DGKG: variants seen among roughly 807,000 people sequenced by gnomAD.
DGKG encodes diacylglycerol kinase gamma.
A neutral mutation model predicts 105.3 loss-of-function variants in DGKG; 78 were observed. That is an observed-to-expected ratio of 0.74 (90% CI 0.62 to 0.89). DGKG has a LOEUF of 0.89. Ranked by LOEUF, DGKG falls within the 40% of genes least tolerant of loss-of-function variation. DGKG has a pLI of 0.00. For synonymous variants in DGKG, 346 were observed against 367.1 expected (o/e 0.94, Z 0.66); for missense variants, 958 against 1,020.1 (o/e 0.94, Z 0.83).
At position 186,280,655 on chromosome 3, in the gene DGKG, C is replaced by T. The variant is rs1397051593; in HGVS notation, c.669+15G>A. 6.2e-7 allele frequency: 1 copy of T among 1,610,092 alleles called. No homozygotes were observed. Among genetic ancestry groups the T allele is most frequent in the Non-Finnish European group, 8.5e-7 (1 of 1,176,524 alleles). On this transcript the variant is annotated intron_variant, in intron 8 of 24. Coordinates refer to ENST00000265022, the MANE Select transcript of DGKG (RefSeq NM_001346.3). Reference sequence around the variant, plus strand: ...AAGCTCACTCCAAAGCCACCCCATCCTTATAGAAACTCACAGGCCTCAGCT... The same window carrying T: ...AAGCTCACTCCAAAGCCACCCCATCTTTATAGAAACTCACAGGCCTCAGCT...
chr3:186,307,994 T>C (rs561902125), intron 2 of DGKG, among the ~76,000 whole-genome samples: 1 of 152,274 alleles, frequency 6.6e-6, no homozygotes, highest in East Asian at 1.9e-4. Flanking sequence ...GCATGGTTGA[T>C]TTTATGTTCC....
intron 22 of DGKG, among the ~76,000 whole-genome samples, chr3:186,181,189 C>G (rs1396868645): frequency 1.3e-5 from 2 of 152,188 alleles, no homozygotes; most frequent in Admixed American, 6.5e-5. Flanking sequence ...CTGGCTCCCC[C>G]ACACCCAGTG....
intron 14 of DGKG, among the ~76,000 whole-genome samples, chr3:186,262,228 C>T (rs914208917): frequency 1.3e-5 from 2 of 152,140 alleles, no homozygotes; most frequent in African/African-American, 4.8e-5. Context: ...TCCTCCTGAA[C>T]CCTGGTCCCA....
chr3:186,242,256 T>A (rs1408628156), intron 20 of DGKG, among the ~76,000 whole-genome samples: 1 of 152,134 alleles, frequency 6.6e-6, no homozygotes, highest in East Asian at 1.9e-4. Context: ...AGGCCCTTCA[T>A]ACCCACCTCC....
chr3:186,342,336 G>A (rs546284265), intron 1 of DGKG, among the ~76,000 whole-genome samples: 1 of 152,128 alleles, frequency 6.6e-6, no homozygotes, highest in Non-Finnish European at 1.5e-5. Context: ...TCTACAGGCC[G>A]CTTGGCCACA....
intron 22 of DGKG, among the ~76,000 whole-genome samples, chr3:186,180,546 T>C (rs573770073): frequency 6.6e-6 from 1 of 152,178 alleles, no homozygotes; most frequent in East Asian, 1.9e-4. Context: ...ATGCAAACTT[T>C]TTAGGAACAT....
intron 2 of DGKG, among the ~76,000 whole-genome samples, chr3:186,318,398 C>T (rs1724916733): frequency 6.6e-6 from 1 of 152,216 alleles, no homozygotes; most frequent in South Asian, 2.1e-4. Flanking sequence ...CCCCTTCCAT[C>T]TGCTGCTCAC....
chr3:186,326,807 T>C (rs1199232367), intron 1 of DGKG, among the ~76,000 whole-genome samples: 2 of 152,206 alleles, frequency 1.3e-5, no homozygotes, highest in Non-Finnish European at 2.9e-5. Context: ...TTTTAGGATG[T>C]TTTCTTCATA....
Position 186,261,782 on chromosome 3 carries a change from G to C in DGKG, c.1270-4C>G. Reference sequence around the variant, plus strand: ...CCGGGGTGGGGATGATCTTATACTTGAAAGGTAAAAGAAAAAGAAATTAGC... The same window carrying C: ...CCGGGGTGGGGATGATCTTATACTTCAAAGGTAAAAGAAAAAGAAATTAGC... On this transcript the variant is annotated splice_region_variant and splice_polypyrimidine_tract_variant and intron_variant, in intron 14 of 24. Transcript: ENST00000265022. 6.3e-7 allele frequency: 1 copy of C among 1,584,098 alleles called. No homozygotes were observed. The highest frequency in any genetic ancestry group is 8.6e-7 in the Non-Finnish European group (1 of 1,161,504).
chr3:186,302,087 G>A (rs182404649), intron 3 of DGKG, among the ~76,000 whole-genome samples: 90 of 152,096 alleles, frequency 5.9e-4, no homozygotes, highest in African/African-American at 2.0e-3. Context: ...CCTTATGATC[G>A]TCTGTCCCTG....
At chr3:186,161,697 C>A (rs747943570) in intron 23 of DGKG, 34 bp from the exon 24 acceptor site, 4 of 1,613,904 alleles carry the variant, frequency 2.5e-6, no homozygotes, top group South Asian at 1.1e-5. Context: ...ACACAGTGAG[C>A]TTTTTCAAGT....
intron 13 of DGKG, among the ~76,000 whole-genome samples, chr3:186,266,229 G>C (rs917647578): frequency 6.6e-6 from 1 of 152,138 alleles, no homozygotes; most frequent in Non-Finnish European, 1.5e-5. Flanking sequence ...TGGATTCATA[G>C]AGCATATCTT....
At chr3:186,294,649 C>T (rs939971167) in intron 5 of DGKG, among the ~76,000 whole-genome samples, 7 of 152,072 alleles carry the variant, frequency 4.6e-5, no homozygotes, top group Non-Finnish European at 2.9e-5. Flanking sequence ...TTCACACTTT[C>T]CTCCCTAGTA....
intron 24 of DGKG, among the ~76,000 whole-genome samples, chr3:186,151,621 A>G (rs181523720): frequency 2.0e-5 from 3 of 152,276 alleles, no homozygotes; most frequent in Admixed American, 2.0e-4. Context: ...TTTTAAAGGG[A>G]GGCAGAAAGA....
chr3:186,261,719 A>G lies in DGKG; in HGVS notation c.1329T>C (p.Ser443=), dbSNP rs1578742485. ...HPLLVLVNPK[S]GGRQGERILR... is the part of the protein sequence containing the mutation. Reference sequence around the variant, plus strand: ...CGTACCTTTCTCCTTGTCTCCCTCCACTCTTGGGGTTCACCAAGACCAGCA... The same window carrying G: ...CGTACCTTTCTCCTTGTCTCCCTCCGCTCTTGGGGTTCACCAAGACCAGCA... Residue 443 remains serine (S), a synonymous_variant, in exon 15 of 25, where the codon AGT becomes AGC. Coordinates refer to ENST00000265022, the MANE Select transcript of DGKG (RefSeq NM_001346.3). 1 of 1,603,544 alleles carries G rather than the reference A, an allele frequency of 6.2e-7. No individual in the cohort carries two copies. Among genetic ancestry groups the G allele is most frequent in the Non-Finnish European group, 8.5e-7 (1 of 1,174,802 alleles).
At chr3:186,235,319 A>G (rs1329145400) in intron 20 of DGKG, among the ~76,000 whole-genome samples, 1 of 152,218 alleles carries the variant, frequency 6.6e-6, no homozygotes, top group Non-Finnish European at 1.5e-5. Context: ...ATATTTAAGA[A>G]AAATAGTTTG....
At chr3:186,152,951 C>T (rs562972318) in intron 24 of DGKG, among the ~76,000 whole-genome samples, 22 of 142,278 alleles carry the variant, frequency 1.5e-4, no homozygotes, top group African/African-American at 5.2e-4. Flanking sequence ...CACCAGCTGC[C>T]GCGCCCGGCC....
At chr3:186,273,856 T>G (rs548683271) in intron 10 of DGKG, among the ~76,000 whole-genome samples, 54 of 152,220 alleles carry the variant, frequency 3.5e-4, no homozygotes, top group Admixed American at 7.8e-4. Context: ...CGGTGTCTGG[T>G]GGGTTCAGGC....
intron 21 of DGKG, among the ~76,000 whole-genome samples, chr3:186,193,941 G>T (rs1360408368): frequency 6.6e-6 from 1 of 152,234 alleles, no homozygotes; most frequent in Non-Finnish European, 1.5e-5. Context: ...GCCCGGAGTG[G>T]GGCTGAAACA....
Sources: allele counts gnomAD v4.1 joint callset (sites outside exome capture counted in the v4.1 genomes callset), GRCh38; gene constraint gnomAD v4.1.1; transcripts MANE v1.5; gene names NCBI Gene and HGNC (gene_info 2026-07-23, HGNC 2026-07-21).